The following FUT8 variants were observed in gnomAD, a reference collection of about 807,000 sequenced individuals.
FUT8 encodes the protein fucosyltransferase 8, also known as alpha-(1,6)-fucosyltransferase.
In FUT8, 29 loss-of-function variants were observed where a neutral mutation model predicts 71.3. That is an observed-to-expected ratio of 0.41 (90% CI 0.30 to 0.55). The LOEUF is 0.55. Ranked by LOEUF, FUT8 falls within the 20% of genes least tolerant of loss-of-function variation. FUT8 has a pLI of 0.34. For missense variants in FUT8, 544 were observed against 702.1 expected (o/e 0.77, Z 2.55); for synonymous variants, 254 against 239.3 (o/e 1.06, Z -0.57).
chr14:65,427,552 A>G (rs1411491134), intron 1 of FUT8, among the ~76,000 whole-genome samples: 1 of 152,140 alleles, frequency 6.6e-6, no homozygotes, highest in African/African-American at 2.4e-5. Context: ...TTCATATACC[A>G]ATTGGCCATT....
intron 7 of FUT8, among the ~76,000 whole-genome samples, chr14:65,681,348 G>T (rs1452453840): frequency 6.6e-6 from 1 of 152,166 alleles, no homozygotes; most frequent in Non-Finnish European, 1.5e-5. Context: ...AAGAGCAAAT[G>T]AAGTAATAGG....
chr14:65,650,205 G>A (rs1010349853), intron 6 of FUT8, among the ~76,000 whole-genome samples: 4 of 150,748 alleles, frequency 2.7e-5, no homozygotes, highest in South Asian at 2.1e-4. Flanking sequence ...AGGCTGAGGC[G>A]GGAGAATGGC....
intron 2 of FUT8, among the ~76,000 whole-genome samples, chr14:65,462,171 A>G (rs1315316357): frequency 6.6e-6 from 1 of 152,214 alleles, no homozygotes; most frequent in Non-Finnish European, 1.5e-5. Context: ...TGGAGTCACA[A>G]AAAGGGAATA....
chr14:65,431,857 T>C (rs747128331), intron 1 of FUT8, among the ~76,000 whole-genome samples: 5 of 152,148 alleles, frequency 3.3e-5, no homozygotes, highest in Non-Finnish European at 4.4e-5. Flanking sequence ...ATTAACTCTT[T>C]TATCATTTTT....
rs1892379168 is a variant in FUT8, at chr14:65,669,561, A to G, written c.835+81A>G. 2 of 915,734 alleles carry G rather than the reference A, an allele frequency of 2.2e-6. No individual in the cohort carries two copies. The highest frequency in any genetic ancestry group is 3.5e-6 in the Non-Finnish European group (2 of 565,074). 56.7% of individuals were successfully genotyped at this position (915,734 alleles called of 1,614,324 possible). On this transcript the variant is annotated intron_variant, in intron 7 of 10. Coordinates refer to ENST00000673929, the MANE Select transcript of FUT8 (RefSeq NM_001371533.1). The surrounding 1 kb of genome is among the most constrained non-coding windows in gnomAD (Gnocchi z 4.5). ...TTATTAGATTTCTAGGTAGACCTTC[A>G]TGGAACATACTTATCTTTTCCTCTG...
chr14:65,650,310 A>C lies in FUT8; in HGVS notation c.598-18933A>C, dbSNP rs962445052. On this transcript the variant is annotated intron_variant, in intron 6 of 10. Transcript: ENST00000673929. ...TGAGACTCTGTCTCAAAAAAAAAAA[A>C]AAAAAAAAAAAAAAAAACCTGAGAC... Among the ~76,000 whole-genome samples the C allele has an allele frequency of 4.0e-5, 6 of 148,834 alleles. No homozygotes were observed. In the East Asian group the frequency reaches 1.2e-3, roughly 29 times the overall value.
intron 2 of FUT8, among the ~76,000 whole-genome samples, chr14:65,469,357 A>C (rs954354509): frequency 6.6e-6 from 1 of 152,012 alleles, no homozygotes; most frequent in African/African-American, 2.4e-5. Context: ...AAAGGAACTG[A>C]GGTAAATAGG....
intron 5 of FUT8, among the ~76,000 whole-genome samples, chr14:65,618,280 C>T (rs187389643): frequency 6.6e-6 from 1 of 151,618 alleles, no homozygotes; most frequent in Admixed American, 6.6e-5. Context: ...TGTTTTGTGA[C>T]CATATGTACA....
intron 6 of FUT8, among the ~76,000 whole-genome samples, chr14:65,664,205 C>T (rs1036033642): frequency 2.8e-4 from 43 of 151,998 alleles, no homozygotes; most frequent in African/African-American, 9.7e-4. Flanking sequence ...GTTGTTTGTC[C>T]GTACTTTTGA....
chr14:65,398,185 G>A, the FUT8 span, among the ~76,000 whole-genome samples: 4 of 152,110 alleles, frequency 2.6e-5, no homozygotes, highest in Non-Finnish European at 5.9e-5. Flanking sequence ...TTTTGAGACA[G>A]GGTCTCATTC....
chr14:65,711,770 A>C (rs1436186194), intron 7 of FUT8, among the ~76,000 whole-genome samples: 2 of 152,150 alleles, frequency 1.3e-5, no homozygotes, highest in Non-Finnish European at 2.9e-5. Flanking sequence ...TCAGGCAACA[A>C]ATGTCATGTT....
At chr14:65,538,102 G>A (rs903173202) in intron 2 of FUT8, among the ~76,000 whole-genome samples, 24 of 152,326 alleles carry the variant, frequency 1.6e-4, no homozygotes, top group African/African-American at 5.5e-4. Flanking sequence ...TCCTATGGGA[G>A]CAAGTCGAGC....
At chr14:65,437,270 A>G (rs2065576114) in intron 1 of FUT8, among the ~76,000 whole-genome samples, 1 of 152,258 alleles carries the variant, frequency 6.6e-6, no homozygotes, top group South Asian at 2.1e-4. Context: ...CAAAGCAGAA[A>G]GAAAAGAATT....
At chr14:65,473,692 G>A (rs2066184856) in intron 2 of FUT8, among the ~76,000 whole-genome samples, 1 of 152,124 alleles carries the variant, frequency 6.6e-6, no homozygotes, top group Non-Finnish European at 1.5e-5. Context: ...CCAATTTAAT[G>A]TTTGTAGGCT....
chr14:65,586,847 A>G (rs1045041438), intron 3 of FUT8, among the ~76,000 whole-genome samples: 6 of 152,230 alleles, frequency 3.9e-5, no homozygotes, highest in African/African-American at 1.4e-4. Flanking sequence ...CTATTTTGAC[A>G]TATTTGAGGG....
the FUT8 span, among the ~76,000 whole-genome samples, chr14:65,384,442 T>C: frequency 2.6e-5 from 4 of 152,216 alleles, no homozygotes; most frequent in Middle Eastern, 6.8e-3. This position sits in a 1 kb window ranked among gnomAD's most constrained non-coding sequence, Gnocchi z 4.2. Context: ...TAAAATTCTT[T>C]TTCTCTTCTA....
intron 3 of FUT8, among the ~76,000 whole-genome samples, chr14:65,569,854 A>T (rs1886383249): frequency 6.6e-6 from 1 of 152,048 alleles, no homozygotes; most frequent in African/African-American, 2.4e-5. Context: ...CAGTACAATC[A>T]GTGATTGAAC....
intron 1 of FUT8, among the ~76,000 whole-genome samples, chr14:65,445,001 C>G (rs747875992): frequency 3.0e-4 from 46 of 152,110 alleles, no homozygotes; most frequent in Admixed American, 7.9e-4. Flanking sequence ...GTCAGGAGTT[C>G]AAGATCAACC....
At chr14:65,408,360 A>T (rs2065095094), upstream of FUT8, among the ~76,000 whole-genome samples, 1 of 152,156 alleles carries the variant, frequency 6.6e-6, no homozygotes, top group African/African-American at 2.4e-5. Context: ...TGGTGGCTAT[A>T]GCTAGTCAGT....
Sources: allele counts gnomAD v4.1 joint callset (sites outside exome capture counted in the v4.1 genomes callset), GRCh38; gene constraint gnomAD v4.1.1; non-coding constraint Gnocchi (gnomAD v3.1); transcripts MANE v1.5; gene names NCBI Gene and HGNC (gene_info 2026-07-23, HGNC 2026-07-21).